Variants in C7orf78 observed in about 807,000 individuals in gnomAD.
C7orf78 encodes chromosome 7 open reading frame 78.
At chr7:12,502,172 G>A in the C7orf78 span, among the ~76,000 whole-genome samples, 2 of 87,352 alleles carry the variant, frequency 2.3e-5, no homozygotes, top group African/African-American at 8.2e-5. Flanking sequence ...ATAGGCATGG[G>A]CAAGGACTTC....
At chr7:12,507,278 A>C in the C7orf78 span, 1 of 148,380 alleles carries the variant, frequency 6.7e-6, no homozygotes, top group Non-Finnish European at 1.4e-5. Flanking sequence ...ACTGCACTCC[A>C]GCCTGGTGAC....
chr7:12,527,588 C>T, the C7orf78 span, among the ~76,000 whole-genome samples: 3 of 126,872 alleles, frequency 2.4e-5, no homozygotes, highest in South Asian at 8.3e-4. Context: ...CTAGTATATG[C>T]TAAGTGTCAC....
At chr7:12,509,479 T>A in the C7orf78 span, among the ~76,000 whole-genome samples, 1 of 152,358 alleles carries the variant, frequency 6.6e-6, no homozygotes, top group African/African-American at 2.4e-5. Flanking sequence ...AGGGTCAACA[T>A]GTAAACTTGT....
chr7:12,516,902 C>G, the C7orf78 span, among the ~76,000 whole-genome samples: 6 of 152,158 alleles, frequency 3.9e-5, no homozygotes, highest in African/African-American at 1.4e-4. Context: ...ATTTTACAGG[C>G]TCATAGGCGG....
the C7orf78 span, among the ~76,000 whole-genome samples, chr7:12,503,393 T>C: frequency 3.8e-4 from 58 of 152,040 alleles, no homozygotes; most frequent in South Asian, 1.0e-3. Flanking sequence ...AAAATAAAAG[T>C]GTTCTTATCT....
the C7orf78 span, among the ~76,000 whole-genome samples, chr7:12,492,754 C>T: frequency 1.1e-4 from 17 of 152,282 alleles, no homozygotes; most frequent in Middle Eastern, 0.01. Context: ...GCATCAAATG[C>T]CTTGAAGTCA....
the C7orf78 span, among the ~76,000 whole-genome samples, chr7:12,497,570 G>T: frequency 6.6e-6 from 1 of 152,216 alleles, no homozygotes; most frequent in Non-Finnish European, 1.5e-5. Flanking sequence ...CCTGCACCCG[G>T]CTCGGAGGGT....
the C7orf78 span, chr7:12,483,655 G>C: frequency 2.7e-5 from 4 of 149,534 alleles, no homozygotes; most frequent in African/African-American, 9.9e-5. Context: ...GGATCATGAG[G>C]TCAGCAGTTC....
chr7:12,512,667 C>A, the C7orf78 span, among the ~76,000 whole-genome samples: 1 of 152,120 alleles, frequency 6.6e-6, no homozygotes, highest in Non-Finnish European at 1.5e-5. Flanking sequence ...TTCTTGTATC[C>A]TTTCCTGGCT....
At chr7:12,531,613 T>C in the C7orf78 span, among the ~76,000 whole-genome samples, 2 of 152,174 alleles carry the variant, frequency 1.3e-5, no homozygotes, top group Non-Finnish European at 2.9e-5. Flanking sequence ...AATGATAATA[T>C]AGATATGGCC....
chr7:12,502,616 C>T, the C7orf78 span, among the ~76,000 whole-genome samples: 988 of 151,924 alleles, frequency 6.5e-3, 16 homozygotes, highest in African/African-American at 0.023. Flanking sequence ...GAAATAGGAA[C>T]ACTTTTACAT....
chr7:12,507,406 G>C, the C7orf78 span: 1 of 181,646 alleles, frequency 5.5e-6, no homozygotes, highest in Admixed American at 5.4e-5. Flanking sequence ...CAGCCATGAG[G>C]CCAGCACTAA....
At chr7:12,525,735 T>G in the C7orf78 span, 2 of 391,230 alleles carry the variant, frequency 5.1e-6, no homozygotes, top group African/African-American at 4.1e-5. Flanking sequence ...CAAGGAAATA[T>G]TTAATATTAG....
At chr7:12,538,047 G>A in the C7orf78 span, among the ~76,000 whole-genome samples, 1 of 152,126 alleles carries the variant, frequency 6.6e-6, no homozygotes, top group Non-Finnish European at 1.5e-5. Flanking sequence ...CTGGGTCCCA[G>A]AAATGTAGTA....
At chr7:12,512,100 T>A in the C7orf78 span, among the ~76,000 whole-genome samples, 252 of 151,682 alleles carry the variant, frequency 1.7e-3, 2 homozygotes, top group South Asian at 0.014. Context: ...GTTCTAAGAG[T>A]TTTTTTAGTG....
chr7:12,541,831 C>T, the C7orf78 span: 5 of 152,194 alleles, frequency 3.3e-5, no homozygotes, highest in African/African-American at 1.2e-4. Context: ...CTTTAAGAAG[C>T]TTCTCTGAGA....
At chr7:12,532,343 T>A in the C7orf78 span, among the ~76,000 whole-genome samples, 5 of 151,904 alleles carry the variant, frequency 3.3e-5, no homozygotes, top group South Asian at 2.1e-4. Context: ...AGGTCTGGAG[T>A]TCGAGACCAG....
chr7:12,497,379 G>A, the C7orf78 span, among the ~76,000 whole-genome samples: 1 of 152,242 alleles, frequency 6.6e-6, no homozygotes, highest in Non-Finnish European at 1.5e-5. Flanking sequence ...CACCGTGCGC[G>A]AGCAGAAGCA....
the C7orf78 span, among the ~76,000 whole-genome samples, chr7:12,537,392 G>A: frequency 6.6e-6 from 1 of 152,092 alleles, no homozygotes; most frequent in Non-Finnish European, 1.5e-5. Flanking sequence ...CCTCCCACTG[G>A]GATTCTCCCA....
Sources: gnomAD v4.1 joint callset for allele counts (sites outside exome capture counted in the v4.1 genomes callset) on GRCh38, gnomAD v4.1.1 for gene constraint, MANE v1.5 for transcripts, NCBI Gene and HGNC (gene_info 2026-07-23, HGNC 2026-07-21) for gene names.